Variants in RNF4 observed in about 807,000 individuals in gnomAD.
RNF4 encodes ring finger protein 4, also known as E3 ubiquitin-protein ligase RNF4.
In RNF4, 7 loss-of-function variants were observed where a neutral mutation model predicts 24.3. The observed-to-expected ratio is 0.29, with a 90% confidence interval of 0.16 to 0.54. The LOEUF (loss-of-function observed/expected upper bound fraction) is 0.54. RNF4 is among the 20% of genes least tolerant of loss of function. The pLI, the probability that RNF4 is intolerant of heterozygous loss-of-function variation, is 0.95. For synonymous variants in RNF4, 83 were observed against 84.3 expected, an observed-to-expected ratio of 0.98 and a Z score of 0.09; for missense variants, 209 against 248.5, an observed-to-expected ratio of 0.84 and a Z score of 1.07.
rs1349592298 is a variant in RNF4, at chr4:2,474,217, C to G, written c.-158+4959C>G. Reference sequence around the variant, plus strand: ...GGTGAAACACCGTCTCTACTAAAAACACACAAAAAAATTAGCCAGGTGTGG... The same window carrying G: ...GGTGAAACACCGTCTCTACTAAAAAGACACAAAAAAATTAGCCAGGTGTGG... On this transcript the variant is annotated intron_variant, in intron 1 of 7. Transcript: ENST00000314289. Among the ~76,000 whole-genome samples, 6 of 41,002 alleles carry G rather than the reference C, an allele frequency of 1.5e-4. No individual in the cohort carries two copies. In the East Asian group the frequency reaches 3.1e-3, roughly 21 times the overall value. 26.9% of individuals were successfully genotyped at this position (41,002 alleles called of 152,430 possible).
chr4:2,508,718 C>T (rs1736177903), intron 4 of RNF4, among the ~76,000 whole-genome samples: 1 of 152,120 alleles, frequency 6.6e-6, no homozygotes, highest in Non-Finnish European at 1.5e-5. Context: ...TCAAGTGAGT[C>T]TCCTGCCTCA....
intron 2 of RNF4, among the ~76,000 whole-genome samples, chr4:2,491,156 A>T (rs17823737): frequency 0.045 from 6,831 of 152,312 alleles, 192 homozygotes; most frequent in South Asian, 0.12. Context: ...CAGTGTGAGC[A>T]TGGTAGTAAT....
In RNF4 at chr4:2,484,599, A is replaced by G. The variant is rs79941067; in HGVS notation, c.-157-5738A>G. 8.4e-3 allele frequency among the ~76,000 whole-genome samples: 1,263 copies of G among 149,828 alleles called. 22 individuals are homozygous for G. The highest frequency in any genetic ancestry group is 0.028 in the African/African-American group (1,160 of 40,910). On this transcript the variant is annotated intron_variant, in intron 1 of 7. Coordinates refer to ENST00000314289, the MANE Select transcript of RNF4 (RefSeq NM_002938.5). ...ATATATACCATGAATACACATAATTATATGTCACACTCCTGCTAGAGTGGG... is the reference window on the plus strand; with the variant it reads ...ATATATACCATGAATACACATAATTGTATGTCACACTCCTGCTAGAGTGGG...
chr4:2,489,129 T>A (rs915927286), intron 1 of RNF4, among the ~76,000 whole-genome samples: 18 of 152,154 alleles, frequency 1.2e-4, no homozygotes, highest in Non-Finnish European at 8.8e-5. Flanking sequence ...TGGATTTCAA[T>A]CTCAGTTGCC....
intron 2 of RNF4, among the ~76,000 whole-genome samples, chr4:2,496,577 C>T (rs1447698565): frequency 2.0e-5 from 3 of 152,170 alleles, no homozygotes; most frequent in Non-Finnish European, 4.4e-5. Flanking sequence ...TCTCCTGCCT[C>T]AGCCTCTGGA....
intron 4 of RNF4, among the ~76,000 whole-genome samples, chr4:2,502,540 C>T (rs780324838): frequency 7.2e-5 from 11 of 151,790 alleles, no homozygotes; most frequent in Non-Finnish European, 1.3e-4. Context: ...AAAAATTATG[C>T]GGACGCCTGT....
At chr4:2,478,088 T>C (rs1357639893) in intron 1 of RNF4, among the ~76,000 whole-genome samples, 1 of 152,212 alleles carries the variant, frequency 6.6e-6, no homozygotes, top group African/African-American at 2.4e-5. Context: ...CTGTTATGTT[T>C]CAGCAAAGAG....
chr4:2,494,011 T>C (rs537327553), intron 2 of RNF4, among the ~76,000 whole-genome samples: 6 of 151,684 alleles, frequency 4.0e-5, no homozygotes, highest in Admixed American at 1.3e-4. Flanking sequence ...CCCAGCTACT[T>C]TTTGTGTTAT....
intron 2 of RNF4, among the ~76,000 whole-genome samples, chr4:2,493,457 A>G (rs2108763871): frequency 6.6e-6 from 1 of 152,220 alleles, no homozygotes; most frequent in East Asian, 1.9e-4. Context: ...GCTGTGGGAC[A>G]TGGAGGTCTG....
rs1313081174 is a variant in RNF4 at position 2,515,727 on chromosome 4, C to A, written c.*1908C>A. 2 of 152,524 alleles carry A rather than the reference C, an allele frequency of 1.3e-5. No individual in the cohort carries two copies. Among genetic ancestry groups the A allele is most frequent in the African/African-American group, 2.4e-5 (1 of 41,428 alleles). 9.4% of individuals were successfully genotyped at this position (152,524 alleles called of 1,614,324 possible). ...GGGAAAGGTTGGTATGAAGAAATGT[C>A]TTTCCTTTTTTCAATGTACATAGTT... On this transcript the variant is annotated 3_prime_UTR_variant, in exon 8 of 8. Transcript: ENST00000314289.
intron 4 of RNF4, among the ~76,000 whole-genome samples, chr4:2,504,155 T>C (rs771917717): frequency 3.2e-4 from 49 of 152,200 alleles, no homozygotes; most frequent in Admixed American, 1.6e-3. Context: ...AAATGAAAAA[T>C]GCGGTAAGAT....
intron 2 of RNF4, among the ~76,000 whole-genome samples, chr4:2,496,483 T>C (rs1000103975): frequency 6.6e-6 from 1 of 152,068 alleles, no homozygotes; most frequent in Non-Finnish European, 1.5e-5. Context: ...TTTTTTGAGA[T>C]GGAGTCTCAC....
rs555863016 is a variant in RNF4, at chr4:2,480,304, A to T, written c.-157-10033A>T. The T allele has an allele frequency of 3.6e-5, 5 of 140,766 alleles. No individual in the cohort carries two copies. In the East Asian group the frequency reaches 1.0e-3, roughly 29 times the overall value. The allele number at this position is 140,766 out of a possible 1,614,324, so 8.7% of individuals were successfully genotyped here. A position where few individuals can be genotyped will look rare whatever the true frequency, so the allele number is the denominator to read the frequency against. On this transcript the variant is annotated intron_variant, in intron 1 of 7. Coordinates refer to ENST00000314289, the MANE Select transcript of RNF4 (RefSeq NM_002938.5). ...TTTTTTTTTTTTGAGACAAAGTCTCAGTCTGTCACCCAGGTTGGAGTGCAA... is the reference window on the plus strand; with the variant it reads ...TTTTTTTTTTTTGAGACAAAGTCTCTGTCTGTCACCCAGGTTGGAGTGCAA...
chr4:2,500,884 A>G, intron 4 of RNF4, 146 bp downstream of exon 4: 1 of 683,802 alleles, frequency 1.5e-6, no homozygotes, highest in East Asian at 2.8e-5. Flanking sequence ...TTGAGCTTTT[A>G]GAAAGAAAAT....
At chr4:2,481,310 A>C (rs181328423) in intron 1 of RNF4, 1 of 152,208 alleles carries the variant, frequency 6.6e-6, no homozygotes, top group Non-Finnish European at 1.5e-5. Flanking sequence ...GTCACTGACA[A>C]CATTTTTCAG....
intron 4 of RNF4, among the ~76,000 whole-genome samples, chr4:2,503,889 A>G (rs939501338): frequency 1.3e-5 from 2 of 152,188 alleles, no homozygotes; most frequent in Admixed American, 1.3e-4. Flanking sequence ...CCTGTAATAT[A>G]GGAATCCCTG....
At chr4:2,474,271 A>C (rs1735000864) in intron 1 of RNF4, among the ~76,000 whole-genome samples, 1 of 149,018 alleles carries the variant, frequency 6.7e-6, no homozygotes, top group South Asian at 2.2e-4. Flanking sequence ...GCAGCTACTC[A>C]GGAGGCTGAG....
rs144100472 is a variant in RNF4, at chr4:2,504,276, G to A, written c.204+3538G>A. On this transcript the variant is annotated intron_variant, in intron 4 of 7. Coordinates refer to ENST00000314289, the MANE Select transcript of RNF4 (RefSeq NM_002938.5). ...ATCACTGCTGTGTCCCGAGGTGTGA[G>A]TGTCTTTGATTTTTACTGGATAAAT... Among the ~76,000 whole-genome samples the A allele has an allele frequency of 7.2e-4, 110 of 152,288 alleles. No individual in the cohort carries two copies. In the East Asian group the frequency reaches 0.016, roughly 22 times the overall value.
chr4:2,471,435 C>G (rs1379793251), intron 1 of RNF4, among the ~76,000 whole-genome samples: 2 of 152,172 alleles, frequency 1.3e-5, no homozygotes, highest in Non-Finnish European at 2.9e-5. Flanking sequence ...CTCTCAATTC[C>G]TTGAGACACA....
Sources: allele counts gnomAD v4.1 joint callset (sites outside exome capture counted in the v4.1 genomes callset), GRCh38; gene constraint gnomAD v4.1.1; transcripts MANE v1.5; gene names NCBI Gene and HGNC (gene_info 2026-07-23, HGNC 2026-07-21).